GALNT17: variants seen among roughly 807,000 people sequenced by gnomAD.
The protein encoded by GALNT17 is UDP-GalNAc:polypeptide N-acetylgalactosaminyltransferase-like 3.
In GALNT17, 29 loss-of-function variants were observed where a neutral mutation model predicts 63.7. The observed-to-expected ratio is 0.46, with a 90% CI of 0.34 to 0.62. The LOEUF is 0.62. GALNT17 is among the 20% of genes least tolerant of loss of function. The probability of loss-of-function intolerance (pLI) is 0.01; values close to 1 mark genes in which losing one functional copy is unlikely to be tolerated. For missense variants in GALNT17, 603 were observed against 799.6 expected (o/e 0.75, Z 2.97); for synonymous variants, 305 against 318.3 (o/e 0.96, Z 0.45).
chr7:71,274,849 T>C (rs1790655467), intron 1 of GALNT17, among the ~76,000 whole-genome samples: 1 of 152,164 alleles, frequency 6.6e-6, no homozygotes, highest in African/African-American at 2.4e-5. Context: ...TCCTTCTGAT[T>C]TGCATTTCAA....
chr7:71,638,363 C>T (rs1282468857), intron 6 of GALNT17, among the ~76,000 whole-genome samples: 1 of 152,144 alleles, frequency 6.6e-6, no homozygotes, highest in East Asian at 1.9e-4. Context: ...GAATGCAGCC[C>T]AGTAGGTCTC....
chr7:71,322,626 A>T (rs1445500730), intron 1 of GALNT17, among the ~76,000 whole-genome samples: 1 of 152,150 alleles, frequency 6.6e-6, no homozygotes, highest in Non-Finnish European at 1.5e-5. Context: ...CCCCGCTGAA[A>T]TTCATATTTT....
intron 1 of GALNT17, among the ~76,000 whole-genome samples, chr7:71,257,815 A>G (rs1790315206): frequency 6.6e-6 from 1 of 152,180 alleles, no homozygotes; most frequent in Admixed American, 6.5e-5. Flanking sequence ...GTAATTTGAC[A>G]AAGGAAGAAT....
chr7:71,377,107 T>TAA (rs1237223835), intron 2 of GALNT17, among the ~76,000 whole-genome samples: 2,505 of 57,736 alleles, frequency 0.043, 277 homozygotes, highest in East Asian at 0.11. Flanking sequence ...AAAATAAAAA[T>TAA]AAAAAAAATA....
At chr7:71,265,122 T>A (rs1345618727) in intron 1 of GALNT17, among the ~76,000 whole-genome samples, 272 of 14,664 alleles carry the variant, frequency 0.019, 3 homozygotes, top group South Asian at 0.024. Flanking sequence ...ATATATATTT[T>A]TTTTTTTTTT....
At chr7:71,567,838 G>A (rs529164117) in intron 5 of GALNT17, among the ~76,000 whole-genome samples, 10 of 152,278 alleles carry the variant, frequency 6.6e-5, no homozygotes, top group South Asian at 4.1e-4. Flanking sequence ...CAGCACCAGC[G>A]TTTAACTACA....
chr7:71,584,313 A>G (rs893555409), intron 6 of GALNT17, among the ~76,000 whole-genome samples: 1 of 152,186 alleles, frequency 6.6e-6, no homozygotes, highest in Non-Finnish European at 1.5e-5. Context: ...ATTTTATGCT[A>G]ATTTCTTTTA....
chr7:71,375,718 C>A (rs1792709189), intron 2 of GALNT17, among the ~76,000 whole-genome samples: 2 of 152,214 alleles, frequency 1.3e-5, no homozygotes, highest in African/African-American at 4.8e-5. Flanking sequence ...CTGCCCCCAG[C>A]CTTTGGCTTT....
chr7:71,362,230 T>A (rs1792416798), intron 2 of GALNT17, among the ~76,000 whole-genome samples: 1 of 152,192 alleles, frequency 6.6e-6, no homozygotes, highest in Admixed American at 6.5e-5. Context: ...AATGTTGGGA[T>A]TATAGGCGTG....
At chr7:71,681,880 G>T (rs1177240126) in intron 9 of GALNT17, among the ~76,000 whole-genome samples, 1 of 152,088 alleles carries the variant, frequency 6.6e-6, no homozygotes, top group Non-Finnish European at 1.5e-5. Context: ...TTTGCTTTGG[G>T]TGTTTCAGGG....
chr7:71,646,982 A>G (rs1790685310), intron 6 of GALNT17, among the ~76,000 whole-genome samples: 1 of 151,774 alleles, frequency 6.6e-6, no homozygotes, highest in Non-Finnish European at 1.5e-5. Flanking sequence ...TCCTGACCTC[A>G]TGATCCACCC....
chr7:71,540,679 T>A (rs1788874659), intron 5 of GALNT17, among the ~76,000 whole-genome samples: 1 of 152,184 alleles, frequency 6.6e-6, no homozygotes, highest in African/African-American at 2.4e-5. Context: ...GGTATATTTA[T>A]GTAATAAATG....
intron 1 of GALNT17, among the ~76,000 whole-genome samples, chr7:71,175,323 G>A (rs983870277): frequency 5.3e-5 from 8 of 151,936 alleles, no homozygotes; most frequent in Non-Finnish European, 1.2e-4. Flanking sequence ...TCTATCATCT[G>A]TCCCTATCAT....
At chr7:71,517,067 C>G (rs780594468) in intron 5 of GALNT17, among the ~76,000 whole-genome samples, 37 of 152,128 alleles carry the variant, frequency 2.4e-4, no homozygotes, top group South Asian at 4.1e-4. Flanking sequence ...GTGGGGATGT[C>G]AAAGTTCTCA....
chr7:71,495,391 C>T (rs754478342), intron 5 of GALNT17, among the ~76,000 whole-genome samples: 3 of 152,176 alleles, frequency 2.0e-5, no homozygotes, highest in Non-Finnish European at 4.4e-5. Context: ...ACAACCATAG[C>T]AGTTTTCTTT....
intron 5 of GALNT17, among the ~76,000 whole-genome samples, chr7:71,453,705 G>A (rs1372873107): frequency 6.6e-6 from 1 of 152,202 alleles, no homozygotes; most frequent in East Asian, 1.9e-4. Flanking sequence ...ATGTCAGATA[G>A]CAGATAAGAG....
At chr7:71,193,454 C>CT (rs1159902249) in intron 1 of GALNT17, among the ~76,000 whole-genome samples, 10,215 of 107,256 alleles carry the variant, frequency 0.095, 1,344 homozygotes, top group African/African-American at 0.29. Flanking sequence ...ACGCTTTTGT[C>CT]TTTTTTTTTT....
At chr7:71,440,094 AATTTTTCGT>A (rs1311753966) in intron 5 of GALNT17, among the ~76,000 whole-genome samples, 1 of 151,206 alleles carries the variant, frequency 6.6e-6, no homozygotes, top group Non-Finnish European at 1.5e-5. Flanking sequence ...ACGCCTGGCT[AATTTTTCGT>A]ATTTTTAGTA....
At chr7:71,346,329 A>C (rs912901942) in intron 2 of GALNT17, among the ~76,000 whole-genome samples, 3 of 152,158 alleles carry the variant, frequency 2.0e-5, no homozygotes, top group African/African-American at 7.2e-5. Flanking sequence ...TCCAATGAGT[A>C]ATAATAATAA....
Sources: gnomAD v4.1 joint callset for allele counts (sites outside exome capture counted in the v4.1 genomes callset) on GRCh38, gnomAD v4.1.1 for gene constraint, MANE v1.5 for transcripts, NCBI Gene and HGNC (gene_info 2026-07-23, HGNC 2026-07-21) for gene names.